Variants in PAPSS2 observed in about 807,000 individuals in gnomAD.
PAPSS2 encodes the protein bifunctional 3'-phosphoadenosine 5'-phosphosulfate synthase 2.
PAPSS2 carries 61 observed loss-of-function variants against 66.5 expected under a neutral mutation model. The observed-to-expected ratio is 0.92, with a 90% CI of 0.75 to 1.14. The LOEUF is 1.14. PAPSS2 is among the 50% of genes most tolerant of loss of function. The pLI, the probability that PAPSS2 is intolerant of heterozygous loss-of-function variation, is 0.00. For missense variants in PAPSS2, 708 were observed against 789.6 expected (o/e 0.90, Z 1.24); for synonymous variants, 289 against 287.5 (o/e 1.01, Z -0.05).
At chr10:87,687,071 C>A (rs1376176268) in intron 1 of PAPSS2, among the ~76,000 whole-genome samples, 1 of 152,084 alleles carries the variant, frequency 6.6e-6, no homozygotes, top group African/African-American at 2.4e-5. Context: ...GTCATTTTAA[C>A]TAGGTTTGCA....
intron 1 of PAPSS2, among the ~76,000 whole-genome samples, chr10:87,676,428 G>A (rs1564709468): frequency 6.6e-6 from 1 of 152,102 alleles, no homozygotes; most frequent in Admixed American, 6.6e-5. Flanking sequence ...TCTTTCCTTT[G>A]TGAGTTTTCA....
chr10:87,704,937 C>G (rs1261015597), intron 1 of PAPSS2, among the ~76,000 whole-genome samples: 1 of 152,228 alleles, frequency 6.6e-6, no homozygotes, highest in Non-Finnish European at 1.5e-5. Flanking sequence ...CCACCACACA[C>G]AGCCTCGTTT....
chr10:87,722,559 T>C lies in PAPSS2; in HGVS notation c.880+789T>C, dbSNP rs943391356. Among the ~76,000 whole-genome samples, 3 of 152,212 alleles carry C rather than the reference T, an allele frequency of 2.0e-5. No individual in the cohort carries two copies. The East Asian group carries it at 5.8e-4, about 29-fold the overall frequency. On this transcript the variant is annotated intron_variant, in intron 8 of 12. Transcript: ENST00000456849. ...TTCCATTGAACAATAAGCTATCTCTTGGACTTACTGTGGTTAAAGAACCAC... is the reference window on the plus strand; with the variant it reads ...TTCCATTGAACAATAAGCTATCTCTCGGACTTACTGTGGTTAAAGAACCAC...
intron 1 of PAPSS2, among the ~76,000 whole-genome samples, chr10:87,679,547 G>T (rs1403013097): frequency 6.6e-6 from 1 of 151,908 alleles, no homozygotes; most frequent in Non-Finnish European, 1.5e-5. Context: ...CATGCACCCT[G>T]TAAGTATGTA....
intron 9 of PAPSS2, among the ~76,000 whole-genome samples, chr10:87,740,564 A>C (rs761753054): frequency 6.6e-6 from 1 of 152,250 alleles, no homozygotes; most frequent in Non-Finnish European, 1.5e-5. Flanking sequence ...ACAGAGTATG[A>C]GAAGTGCATT....
chr10:87,672,627 C>T (rs1363218165), intron 1 of PAPSS2, among the ~76,000 whole-genome samples: 1 of 151,990 alleles, frequency 6.6e-6, no homozygotes, highest in African/African-American at 2.4e-5. Context: ...TGTATAATTG[C>T]AGATCAAATG....
chr10:87,715,443 A>G (rs936484502), intron 6 of PAPSS2, among the ~76,000 whole-genome samples: 60 of 152,258 alleles, frequency 3.9e-4, no homozygotes, highest in African/African-American at 1.4e-3. Context: ...GAAAGAATAA[A>G]CAGTGAATTT....
intron 1 of PAPSS2, among the ~76,000 whole-genome samples, chr10:87,700,422 T>G (rs1853288487): frequency 6.6e-6 from 1 of 152,208 alleles, no homozygotes; most frequent in African/African-American, 2.4e-5. Flanking sequence ...TTTGGGATGT[T>G]GAGGCAGGAG....
intron 1 of PAPSS2, 79 bp downstream of exon 1, chr10:87,660,087 TG>T (rs1447371274): frequency 1.4e-6 from 2 of 1,443,418 alleles, no homozygotes; most frequent in East Asian, 4.8e-5. Context: ...CCCCGGCACT[TG>T]GGTCCCACCC....
At chr10:87,690,338 G>C (rs1407293340) in intron 1 of PAPSS2, among the ~76,000 whole-genome samples, 1 of 152,078 alleles carries the variant, frequency 6.6e-6, no homozygotes, top group Non-Finnish European at 1.5e-5. Context: ...GTGGAAAGGA[G>C]GATTAAGCAA....
chr10:87,734,660 T>G (rs2131725169), intron 9 of PAPSS2, among the ~76,000 whole-genome samples: 1 of 106,090 alleles, frequency 9.4e-6, no homozygotes, highest in Non-Finnish European at 1.8e-5. Flanking sequence ...AATGAATGTG[T>G]GTGTATATAT....
At chr10:87,703,259 T>G (rs1853340389) in intron 1 of PAPSS2, among the ~76,000 whole-genome samples, 1 of 148,336 alleles carries the variant, frequency 6.7e-6, no homozygotes, top group Non-Finnish European at 1.5e-5. Context: ...AGAGCAGCAA[T>G]AATGACAACA....
chr10:87,678,310 A>T (rs924159370), intron 1 of PAPSS2, among the ~76,000 whole-genome samples: 1 of 152,204 alleles, frequency 6.6e-6, no homozygotes, highest in Admixed American at 6.5e-5. Flanking sequence ...TGGATTAAAG[A>T]TGTGAATATA....
At position 87,731,743 on chromosome 10, in the gene PAPSS2, C is replaced by A. The variant is rs1029836975; in HGVS notation, c.1086+4254C>A. Among the ~76,000 whole-genome samples, 34 of 152,150 alleles carry A rather than the reference C, an allele frequency of 2.2e-4. 1 individual carries two copies. The highest frequency in any genetic ancestry group is 1.5e-5 in the Non-Finnish European group (1 of 68,032). On this transcript the variant is annotated intron_variant, in intron 9 of 12. Transcript: ENST00000456849. Reference sequence around the variant, plus strand: ...GTAACTGCAGACGTGGTGGAAATAGCAAGAGAACTAGAATTAGAAGTGGAG... The same window carrying A: ...GTAACTGCAGACGTGGTGGAAATAGAAAGAGAACTAGAATTAGAAGTGGAG...
At position 87,715,746 on chromosome 10, in the gene PAPSS2, G is replaced by C. The variant is rs1853524236; in HGVS notation, c.768G>C (p.Trp256Cys). The C allele has an allele frequency of 6.2e-7, 1 of 1,611,788 alleles. No individual in the cohort carries two copies. The highest frequency in any genetic ancestry group is 1.3e-5 in the African/African-American group (1 of 74,862). Residue 256 changes from tryptophan (W) to cysteine (C), a missense_variant, in exon 7 of 13, where the codon TGG becomes TGC. Physicochemically the swap from Trp to Cys is radical, Grantham distance 215. Coordinates refer to ENST00000456849, the MANE Select transcript of PAPSS2 (RefSeq NM_001015880.2). Reference sequence around the variant, plus strand: ...GTGTTTTGCAGCTGGATCTCCAGTGGGTCCAGGTTTTGAGCGAAGGCTGGG... The same window carrying C: ...GTGTTTTGCAGCTGGATCTCCAGTGCGTCCAGGTTTTGAGCGAAGGCTGGG... ...SLSITKLDLQ[W>C]VQVLSEGWAT...
At chr10:87,682,945 T>C (rs1178585751) in intron 1 of PAPSS2, among the ~76,000 whole-genome samples, 1 of 152,180 alleles carries the variant, frequency 6.6e-6, no homozygotes, top group African/African-American at 2.4e-5. Flanking sequence ...CTGCGCGTGC[T>C]TTCCCCATAA....
At chr10:87,681,472 G>T (rs891523141) in intron 1 of PAPSS2, among the ~76,000 whole-genome samples, 1 of 152,196 alleles carries the variant, frequency 6.6e-6, no homozygotes, top group African/African-American at 2.4e-5. Flanking sequence ...GAGGTTTTAA[G>T]TGAGAAAGTG....
chr10:87,662,320 C>T lies in PAPSS2; in HGVS notation c.27+2312C>T, dbSNP rs567942479. On this transcript the variant is annotated intron_variant, in intron 1 of 12. Coordinates refer to ENST00000456849, the MANE Select transcript of PAPSS2 (RefSeq NM_001015880.2). ...GGCCACACTCTCTGGATGAATATTG[C>T]CTTTCAGTTCAGACCACTCTAGGAA... Among the ~76,000 whole-genome samples, 24 of 152,142 alleles carry T rather than the reference C, an allele frequency of 1.6e-4. No homozygotes were observed. In the East Asian group the frequency reaches 4.6e-3, roughly 29 times the overall value.
In PAPSS2 at chr10:87,713,197, G is replaced by A. The variant is rs1197252611; in HGVS notation, c.268G>A (p.Gly90Arg). 4.3e-6 allele frequency: 7 copies of A among 1,611,372 alleles called. No homozygotes were observed. The highest frequency in any genetic ancestry group is 2.2e-5 in the East Asian group (1 of 44,772). The stretch of plus-strand genomic sequence containing the variant: ...CCGTCATGGCCTTAACAGAAATCTC[G>A]GATTCTCTCCTGGGGACAGAGAGGA... ...NVRHGLNRNL[G>R]FSPGDREENI... The change falls in exon 3 of 13, where the codon GGA becomes AGA. Residue 90 changes from glycine to arginine, a missense_variant. Coordinates refer to ENST00000456849, the MANE Select transcript of PAPSS2 (RefSeq NM_001015880.2).
Sources: allele counts gnomAD v4.1 joint callset (sites outside exome capture counted in the v4.1 genomes callset), GRCh38; gene constraint gnomAD v4.1.1; transcripts MANE v1.5; gene names NCBI Gene and HGNC (gene_info 2026-07-23, HGNC 2026-07-21).